Variants in ADAM12 observed in about 807,000 individuals in gnomAD.
The protein encoded by ADAM12 is disintegrin and metalloproteinase domain-containing protein 12.
A neutral mutation model predicts 106.4 loss-of-function variants in ADAM12; 70 were observed. The ratio of observed to expected loss-of-function variants is 0.66; its 90% CI spans 0.54 to 0.80. The LOEUF is 0.80. Ranked by LOEUF, ADAM12 falls within the 30% of genes least tolerant of loss-of-function variation. ADAM12 has a pLI of 0.00. For synonymous variants in ADAM12, 420 were observed against 433.5 expected (o/e 0.97, Z 0.39); for missense variants, 1,010 against 1,171.9 (o/e 0.86, Z 2.02).
chr10:126,155,712 A>G (rs930196475), intron 3 of ADAM12, among the ~76,000 whole-genome samples: 1 of 152,160 alleles, frequency 6.6e-6, no homozygotes, highest in Non-Finnish European at 1.5e-5. Context: ...GTCTCCACCA[A>G]CTGGAATCAA....
chr10:126,013,712 C>G lies in ADAM12; in HGVS notation c.*3567G>C, dbSNP rs912406836. 1 of 152,306 alleles carries G rather than the reference C, an allele frequency of 6.6e-6. No individual in the cohort carries two copies. 9.4% of individuals were successfully genotyped at this position (152,306 alleles called of 1,614,324 possible). ...TGTCTGGGTGATAGGGAAAGGTAAA[C>G]AGATGTATTAGCCACTGGCTTTGTG... is the stretch of plus-strand genomic sequence containing the variant. On this transcript the variant is annotated 3_prime_UTR_variant, in exon 23 of 23. Coordinates refer to ENST00000448723, the MANE Select transcript of ADAM12 (RefSeq NM_001288973.2). This position sits in a 1 kb window ranked among gnomAD's most constrained non-coding sequence, Gnocchi z 4.3.
intron 3 of ADAM12, among the ~76,000 whole-genome samples, chr10:126,232,043 A>G (rs1012868456): frequency 4.6e-5 from 7 of 152,018 alleles, no homozygotes; most frequent in African/African-American, 1.7e-4. Flanking sequence ...CCCTCACCCC[A>G]TTGTTTCCTG....
At chr10:126,245,828 T>C (rs761251894) in intron 3 of ADAM12, among the ~76,000 whole-genome samples, 1 of 151,914 alleles carries the variant, frequency 6.6e-6, no homozygotes, top group Non-Finnish European at 1.5e-5. Flanking sequence ...CTTTGGGTTG[T>C]CTGAAAGCAA....
intron 9 of ADAM12, among the ~76,000 whole-genome samples, chr10:126,098,821 G>C (rs530250207): frequency 6.6e-6 from 1 of 152,306 alleles, no homozygotes; most frequent in Non-Finnish European, 1.5e-5. Flanking sequence ...TCTGCTGATG[G>C]AAAGGCTGAA....
chr10:126,152,664 A>G (rs1318290049), intron 4 of ADAM12, among the ~76,000 whole-genome samples: 1 of 151,894 alleles, frequency 6.6e-6, no homozygotes, highest in Non-Finnish European at 1.5e-5. Flanking sequence ...TTGGGTGTGA[A>G]TCCTGTAAAA....
chr10:126,180,409 C>T (rs1279700444), intron 3 of ADAM12, among the ~76,000 whole-genome samples: 1 of 152,082 alleles, frequency 6.6e-6, no homozygotes, highest in Non-Finnish European at 1.5e-5. Context: ...GAGGTTGATT[C>T]GGTACTCACG....
chr10:126,261,491 T>C (rs1959000204), intron 3 of ADAM12, among the ~76,000 whole-genome samples: 1 of 152,304 alleles, frequency 6.6e-6, no homozygotes, highest in African/African-American at 2.4e-5. Context: ...AGTTCAGTGA[T>C]ACCCTATAGT....
intron 3 of ADAM12, among the ~76,000 whole-genome samples, chr10:126,244,022 A>G (rs1447296472): frequency 1.3e-5 from 2 of 152,228 alleles, no homozygotes; most frequent in Non-Finnish European, 1.5e-5. Flanking sequence ...TCTGTTTCTC[A>G]AATTCTAGTC....
At chr10:126,328,836 C>T (rs550643729) in intron 2 of ADAM12, among the ~76,000 whole-genome samples, 16 of 152,152 alleles carry the variant, frequency 1.1e-4, no homozygotes, top group Non-Finnish European at 1.8e-4. Flanking sequence ...ATGGTTCTTC[C>T]TAGTCTTCTA....
intron 6 of ADAM12, among the ~76,000 whole-genome samples, chr10:126,114,193 C>G (rs1955938074): frequency 6.6e-6 from 1 of 152,072 alleles, no homozygotes; most frequent in Non-Finnish European, 1.5e-5. Flanking sequence ...TGACACCTGG[C>G]CGACATGTAG....
intron 1 of ADAM12, among the ~76,000 whole-genome samples, chr10:126,381,396 T>TG (rs61110870): frequency 0.087 from 13,286 of 152,062 alleles, 867 homozygotes; most frequent in East Asian, 0.26. Context: ...CCAACACTTT[T>TG]GGGGGGCTGC....
At chr10:126,226,034 A>C (rs1282063244) in intron 3 of ADAM12, among the ~76,000 whole-genome samples, 1 of 151,604 alleles carries the variant, frequency 6.6e-6, no homozygotes, top group Non-Finnish European at 1.5e-5. Context: ...AGGGACAGGC[A>C]TCTTATGGGG....
Position 126,145,955 on chromosome 10 carries a change from C to A in ADAM12, c.339+9272G>T, listed in dbSNP as rs915471395. On this transcript the variant is annotated intron_variant, in intron 4 of 22. Coordinates refer to ENST00000448723, the MANE Select transcript of ADAM12 (RefSeq NM_001288973.2). ...ACTGAGGAGGCATTGGGGGAAGCTG[C>A]TGATGATTTGGGAGGATCAAAATGT... Among the ~76,000 whole-genome samples, 19 of 152,278 alleles carry A rather than the reference C, an allele frequency of 1.2e-4. No individual in the cohort carries two copies. In the South Asian group the frequency reaches 2.1e-3, roughly 17 times the overall value.
chr10:126,370,044 G>C (rs1027593462), intron 1 of ADAM12, among the ~76,000 whole-genome samples: 2 of 152,190 alleles, frequency 1.3e-5, no homozygotes, highest in Non-Finnish European at 2.9e-5. Context: ...ATGGGAACCA[G>C]CTAGGAACTG....
At chr10:126,384,683 AG>A (rs767015018) in intron 1 of ADAM12, among the ~76,000 whole-genome samples, 43 of 152,278 alleles carry the variant, frequency 2.8e-4, no homozygotes, top group Admixed American at 6.5e-4. Context: ...AGTAAAATAG[AG>A]GTTGCGTAAG....
At chr10:126,054,348 G>A (rs1954580630) in intron 14 of ADAM12, among the ~76,000 whole-genome samples, 1 of 152,200 alleles carries the variant, frequency 6.6e-6, no homozygotes, top group East Asian at 1.9e-4. Context: ...ACCTGATTTT[G>A]TCAGGCAGCC....
chr10:126,241,962 CT>C (rs10901569), intron 3 of ADAM12, among the ~76,000 whole-genome samples: 7,036 of 139,708 alleles, frequency 0.05, 397 homozygotes, highest in African/African-American at 0.15. Flanking sequence ...TAAAACAGAG[CT>C]TTTTTTTTTT....
rs563729827 is a variant in ADAM12, at chr10:126,245,731, C to T, written c.260+33184G>A. Among the ~76,000 whole-genome samples the T allele has an allele frequency of 3.3e-5, 5 of 152,232 alleles. No homozygotes were observed. In the South Asian group the frequency reaches 8.3e-4, roughly 25 times the overall value. Reference sequence around the variant, plus strand: ...ATGGGAGTCAGGGCAGGGGGCTCCTCAAGGGGAGCATGAACGGCAGCGTCA... The same window carrying T: ...ATGGGAGTCAGGGCAGGGGGCTCCTTAAGGGGAGCATGAACGGCAGCGTCA... On this transcript the variant is annotated intron_variant, in intron 3 of 22. Transcript: ENST00000448723.
At chr10:126,174,999 G>A (rs1352759698) in intron 3 of ADAM12, among the ~76,000 whole-genome samples, 2 of 151,964 alleles carry the variant, frequency 1.3e-5, no homozygotes, top group African/African-American at 2.4e-5. Context: ...CTCGTGATCC[G>A]TCCACCTCGG....
Sources: gnomAD v4.1 joint callset for allele counts (sites outside exome capture counted in the v4.1 genomes callset) on GRCh38, gnomAD v4.1.1 for gene constraint, Gnocchi (gnomAD v3.1) non-coding constraint, MANE v1.5 for transcripts, NCBI Gene and HGNC (gene_info 2026-07-23, HGNC 2026-07-21) for gene names.